Variants in ADAMTSL1 observed in about 807,000 individuals in gnomAD.
The protein encoded by ADAMTSL1 is ADAMTS-like protein 1.
ADAMTSL1 carries 126 observed loss-of-function variants against 201.8 expected under a neutral mutation model. The observed-to-expected ratio is 0.62, with a 90% CI of 0.54 to 0.72. The LOEUF is 0.72. ADAMTSL1 is among the 30% of genes least tolerant of loss of function. The pLI is 0.00. For missense variants in ADAMTSL1, 2,679 were observed against 2,277.8 expected, an observed-to-expected ratio of 1.18 and a Z score of -3.59; for synonymous variants, 1,121 against 903.4, an observed-to-expected ratio of 1.24 and a Z score of -4.32.
intron 20 of ADAMTSL1, among the ~76,000 whole-genome samples, chr9:18,799,705 AG>A (rs1163210609): frequency 6.6e-6 from 1 of 152,196 alleles, no homozygotes; most frequent in Non-Finnish European, 1.5e-5. Flanking sequence ...ACATTTTCAC[AG>A]GAAGGGAGAG....
chr9:18,667,743 G>A (rs1829543445), intron 9 of ADAMTSL1, among the ~76,000 whole-genome samples: 1 of 152,110 alleles, frequency 6.6e-6, no homozygotes, highest in Admixed American at 6.6e-5. Context: ...AAGCTCTCCA[G>A]AAATCAGCTT....
intron 16 of ADAMTSL1, among the ~76,000 whole-genome samples, chr9:18,754,251 C>A (rs992970901): frequency 1.2e-4 from 18 of 152,180 alleles, no homozygotes; most frequent in African/African-American, 4.1e-4. Context: ...TGATCCTGCA[C>A]CAGGCATATA....
chr9:18,657,941 T>C (rs1426761142), intron 8 of ADAMTSL1, among the ~76,000 whole-genome samples, 191 bp downstream of exon 8: 2 of 152,082 alleles, frequency 1.3e-5, no homozygotes, highest in Non-Finnish European at 2.9e-5. Flanking sequence ...AAAGACATTT[T>C]CTGTCTGTAA....
intron 1 of ADAMTSL1, among the ~76,000 whole-genome samples, chr9:17,979,886 G>C (rs565582460): frequency 2.0e-5 from 3 of 152,126 alleles, no homozygotes; most frequent in South Asian, 4.1e-4. Context: ...ACTGGTGCCT[G>C]AGTTAATGGG....
intron 2 of ADAMTSL1, among the ~76,000 whole-genome samples, chr9:18,291,733 TCTCTCTCTCTCTCTCA>T (rs1252152336): frequency 4.6e-5 from 6 of 129,134 alleles, no homozygotes; most frequent in African/African-American, 1.3e-4. Flanking sequence ...TCTCTCTCTC[TCTCTCTCTCTCTCTCA>T]CACACACACA....
At chr9:18,182,147 G>T (rs1265983596) in intron 2 of ADAMTSL1, among the ~76,000 whole-genome samples, 2 of 142,214 alleles carry the variant, frequency 1.4e-5, no homozygotes, top group African/African-American at 5.1e-5. Context: ...GTGGTGTGGG[G>T]GGAGGGGGGA....
At chr9:18,717,143 A>G (rs1832998578) in intron 14 of ADAMTSL1, among the ~76,000 whole-genome samples, 1 of 150,882 alleles carries the variant, frequency 6.6e-6, no homozygotes, top group African/African-American at 2.4e-5. Context: ...CCAGATGACA[A>G]GTTAGTGGGT....
intron 2 of ADAMTSL1, among the ~76,000 whole-genome samples, chr9:18,195,238 C>A (rs182630109): frequency 2.0e-5 from 3 of 152,120 alleles, no homozygotes; most frequent in East Asian, 3.9e-4. Context: ...TCTACCCTTG[C>A]GCAGCCTGTG....
In ADAMTSL1 at chr9:18,829,930, C is replaced by G. The variant is rs894204576; in HGVS notation, c.4202C>G (p.Pro1401Arg). 2 of 1,613,836 alleles carry G rather than the reference C, an allele frequency of 1.2e-6. No individual in the cohort carries two copies. The highest frequency in any genetic ancestry group is 4.5e-5 in the East Asian group (2 of 44,862). Residue 1401 changes from proline (P) to arginine (R), a missense_variant, in exon 23 of 29, where the codon CCT becomes CGT. Physicochemically the swap from Pro to Arg is moderately radical, Grantham distance 103 (BLOSUM62 -2). Transcript: ENST00000380548. ...AACCTTCCTTCAGTGCTGACGTCTC[C>G]TCTGGGAACACAGCTGGTCCTGGAT... ...GPNLPSVLTS[P>R]LGTQLVLDPG...
intron 1 of ADAMTSL1, among the ~76,000 whole-genome samples, chr9:17,933,098 T>G (rs1826863863): frequency 6.6e-6 from 1 of 152,124 alleles, no homozygotes. Context: ...ATCAAGTGGC[T>G]TAAAACAAGA....
At chr9:18,521,028 C>G (rs1274529631) in intron 2 of ADAMTSL1, among the ~76,000 whole-genome samples, 1 of 151,974 alleles carries the variant, frequency 6.6e-6, no homozygotes, top group Non-Finnish European at 1.5e-5. Context: ...GTTATATGTA[C>G]AGGGGATGCA....
At chr9:18,760,705 A>G (rs1820026287) in intron 16 of ADAMTSL1, among the ~76,000 whole-genome samples, 2 of 151,862 alleles carry the variant, frequency 1.3e-5, no homozygotes, top group Non-Finnish European at 2.9e-5. Flanking sequence ...AATGTCTCAG[A>G]ATAATTTTCC....
intron 21 of ADAMTSL1, among the ~76,000 whole-genome samples, chr9:18,821,028 A>AG (rs1824179181): frequency 1.3e-5 from 2 of 152,196 alleles, no homozygotes; most frequent in African/African-American, 4.8e-5. Flanking sequence ...GTGGGTAGGC[A>AG]GGGGCTAGAT....
At chr9:18,093,172 C>A (rs1323083720) in intron 1 of ADAMTSL1, among the ~76,000 whole-genome samples, 1 of 151,308 alleles carries the variant, frequency 6.6e-6, no homozygotes, top group East Asian at 1.9e-4. Flanking sequence ...TTTGCAAATG[C>A]CAGGGAAGCA....
At chr9:17,942,818 G>C (rs1382236005) in intron 1 of ADAMTSL1, among the ~76,000 whole-genome samples, 1 of 152,082 alleles carries the variant, frequency 6.6e-6, no homozygotes, top group Non-Finnish European at 1.5e-5. Context: ...AATAAATATA[G>C]GATTTCTTTT....
intron 22 of ADAMTSL1, among the ~76,000 whole-genome samples, chr9:18,828,660 T>TTTTTATATA (rs10685537): frequency 9.5e-4 from 27 of 28,514 alleles, no homozygotes; most frequent in African/African-American, 2.9e-3. Context: ...GAAAGTATAT[T>TTTTTATATA]TATATATATA....
chr9:18,595,868 A>T (rs1326128768), intron 4 of ADAMTSL1, among the ~76,000 whole-genome samples: 1 of 152,186 alleles, frequency 6.6e-6, no homozygotes, highest in Non-Finnish European at 1.5e-5. Flanking sequence ...GGCAGAGCAG[A>T]TCTGTCAGCT....
chr9:18,715,374 A>G (rs1452632965), intron 14 of ADAMTSL1, among the ~76,000 whole-genome samples: 1 of 152,192 alleles, frequency 6.6e-6, no homozygotes, highest in Non-Finnish European at 1.5e-5. Context: ...TAAGCTGATA[A>G]GCAACTTCAG....
chr9:18,740,795 C>A (rs1040896316), intron 15 of ADAMTSL1, among the ~76,000 whole-genome samples: 21 of 152,058 alleles, frequency 1.4e-4, no homozygotes, highest in Middle Eastern at 3.2e-3. Context: ...CTTTCTAGTC[C>A]TGAGCATGGG....
Sources: allele counts gnomAD v4.1 joint callset (sites outside exome capture counted in the v4.1 genomes callset), GRCh38; gene constraint gnomAD v4.1.1; transcripts MANE v1.5; gene names NCBI Gene and HGNC (gene_info 2026-07-23, HGNC 2026-07-21).